Variants in ZNF98 observed in about 807,000 individuals in gnomAD.
ZNF98 encodes the protein zinc finger protein 739.
A neutral mutation model predicts 12.8 loss-of-function variants in ZNF98; 8 were observed. The observed-to-expected ratio is 0.63, with a 90% CI of 0.37 to 1.13. The LOEUF (loss-of-function observed/expected upper bound fraction) is 1.13. Ranked by LOEUF, ZNF98 falls within the 50% of genes most tolerant of loss-of-function variation. ZNF98 has a pLI of 0.01. For missense variants in ZNF98, 379 were observed against 666.1 expected (o/e 0.57, Z 4.74); for synonymous variants, 112 against 223.5 (o/e 0.50, Z 4.45).
intron 1 of ZNF98, among the ~76,000 whole-genome samples, chr19:22,405,345 C>A (rs1004974691): frequency 4.0e-5 from 6 of 151,486 alleles, no homozygotes; most frequent in Non-Finnish European, 8.8e-5. Flanking sequence ...AGGCTCCCAC[C>A]AAAAAGAACC....
chr19:22,397,724 T>C (rs1317381258), intron 3 of ZNF98, among the ~76,000 whole-genome samples: 6 of 140,760 alleles, frequency 4.3e-5, no homozygotes, highest in Non-Finnish European at 7.7e-5. Flanking sequence ...TCTACAGATT[T>C]AATGCAATGT....
At position 22,403,647 on chromosome 19, in the gene ZNF98, C is replaced by T. The variant is rs1969486820; in HGVS notation, c.31-135G>A. On this transcript the variant is annotated intron_variant, in intron 1 of 3. Coordinates refer to ENST00000357774, the MANE Select transcript of ZNF98 (RefSeq NM_001098626.2). The stretch of plus-strand genomic sequence containing the variant: ...AGTGACTGATATATTTAATAAATAA[C>T]TTTCAGCACAGAAGTATTCTCTAAT... 3 of 905,256 alleles carry T rather than the reference C, an allele frequency of 3.3e-6. No homozygotes were observed. In the South Asian group the frequency reaches 6.5e-5, roughly 20 times the overall value. 56.1% of individuals were successfully genotyped at this position (905,256 alleles called of 1,614,324 possible).
chr19:22,409,144 C>G (rs564413551), intron 1 of ZNF98, among the ~76,000 whole-genome samples: 2 of 152,120 alleles, frequency 1.3e-5, no homozygotes, highest in African/African-American at 4.8e-5. Flanking sequence ...CACACATCTA[C>G]AACCATCTGA....
chr19:22,391,713 G>A lies in ZNF98; in HGVS notation c.1522C>T (p.His508Tyr), dbSNP rs192462621. Reference sequence around the variant, plus strand: ...TTCTCTCCAGTATGAATCATCTTATGTGTAGTAAGGTGTGAGGACTGGTTA... The same window carrying A: ...TTCTCTCCAGTATGAATCATCTTATATGTAGTAAGGTGTGAGGACTGGTTA... ...AFNQSSHLTTHKMIHTGEKPY... is the reference protein window; with the variant it reads ...AFNQSSHLTTYKMIHTGEKPY... Residue 508 changes from histidine (H) to tyrosine (Y), a missense_variant, in exon 4 of 4, where the codon CAT (histidine) becomes TAT (tyrosine). This residue lies in a region of ZNF98 where 59 missense variants were observed against 50.3 expected (regional missense o/e 1.17). Coordinates refer to ENST00000357774, the MANE Select transcript of ZNF98 (RefSeq NM_001098626.2). 1.4e-4 allele frequency: 225 copies of A among 1,614,042 alleles called. No individual in the cohort carries two copies. In the African/African-American group the frequency reaches 2.5e-3, roughly 18 times the overall value.
chr19:22,407,412 TGG>T (rs1969532520), intron 1 of ZNF98, among the ~76,000 whole-genome samples: 1 of 143,702 alleles, frequency 7.0e-6, no homozygotes, highest in African/African-American at 2.5e-5. Context: ...TTTTTTTTTT[TGG>T]AGGGTTTTTC....
intron 3 of ZNF98, among the ~76,000 whole-genome samples, chr19:22,396,179 A>C (rs979356181): frequency 2.6e-5 from 4 of 152,214 alleles, no homozygotes; most frequent in African/African-American, 9.6e-5. Flanking sequence ...ATTTTGAAAA[A>C]TAAAAGCACA....
chr19:22,414,633 G>A (rs1453620900), intron 1 of ZNF98, among the ~76,000 whole-genome samples: 3 of 152,170 alleles, frequency 2.0e-5, no homozygotes, highest in South Asian at 4.1e-4. Flanking sequence ...GAGGAATCTG[G>A]AAAGAATTCC....
At chr19:22,418,544 CCAAA>C (rs1245068917) in intron 1 of ZNF98, among the ~76,000 whole-genome samples, 1 of 152,156 alleles carries the variant, frequency 6.6e-6, no homozygotes, top group Non-Finnish European at 1.5e-5. Context: ...TATCACATAG[CCAAA>C]CAAAGACTGT....
chr19:22,395,148 G>C (rs1299768871), intron 3 of ZNF98, among the ~76,000 whole-genome samples: 1 of 149,540 alleles, frequency 6.7e-6, no homozygotes, highest in Non-Finnish European at 1.5e-5. Flanking sequence ...CTGCAGCCTG[G>C]GTGACAGGAG....
At chr19:22,402,175 C>CAAAAA (rs869111485) in intron 3 of ZNF98, among the ~76,000 whole-genome samples, 149 of 60,398 alleles carry the variant, frequency 2.5e-3, no homozygotes, top group Admixed American at 2.8e-3. Flanking sequence ...GACTCCATCT[C>CAAAAA]AAAAAAAAAA....
Position 22,396,010 on chromosome 19 carries a change from T to C in ZNF98, c.254-3029A>G, listed in dbSNP as rs558297047. Among the ~76,000 whole-genome samples, 21 of 151,596 alleles carry C rather than the reference T, an allele frequency of 1.4e-4. No homozygotes were observed. In the South Asian group the frequency reaches 2.3e-3, roughly 16 times the overall value. On this transcript the variant is annotated intron_variant, in intron 3 of 3. Coordinates refer to ENST00000357774, the MANE Select transcript of ZNF98 (RefSeq NM_001098626.2). ...CTGCATATGCCCTACATATAAAAGATGATGAAAGCAGTTTCTTAAACTGAA... is the reference window on the plus strand; with the variant it reads ...CTGCATATGCCCTACATATAAAAGACGATGAAAGCAGTTTCTTAAACTGAA...
At chr19:22,405,319 A>C (rs1472304669) in intron 1 of ZNF98, among the ~76,000 whole-genome samples, 1 of 151,688 alleles carries the variant, frequency 6.6e-6, no homozygotes, top group Non-Finnish European at 1.5e-5. Flanking sequence ...GGCCAACTAG[A>C]AGCAGCTGCG....
At chr19:22,395,001 T>G (rs1969373797) in intron 3 of ZNF98, among the ~76,000 whole-genome samples, 1 of 151,766 alleles carries the variant, frequency 6.6e-6, no homozygotes, top group African/African-American at 2.4e-5. Context: ...AGTGAAACCC[T>G]GTCTCTACTA....
intron 3 of ZNF98, among the ~76,000 whole-genome samples, chr19:22,396,232 T>C (rs1222824751): frequency 3.3e-5 from 5 of 152,086 alleles, no homozygotes; most frequent in East Asian, 1.9e-4. Flanking sequence ...TGTAAAAACA[T>C]AATTAGCAAC....
At chr19:22,412,100 T>C (rs573217599) in intron 1 of ZNF98, among the ~76,000 whole-genome samples, 6 of 152,254 alleles carry the variant, frequency 3.9e-5, no homozygotes, top group African/African-American at 1.4e-4. Context: ...GAACTCTCCA[T>C]CTAAAAAGAA....
intron 1 of ZNF98, among the ~76,000 whole-genome samples, chr19:22,411,505 T>C (rs1008405715): frequency 6.6e-6 from 1 of 152,228 alleles, no homozygotes; most frequent in African/African-American, 2.4e-5. Context: ...AGCTTTACTC[T>C]GAACAAATCT....
intron 1 of ZNF98, among the ~76,000 whole-genome samples, chr19:22,408,976 A>G (rs1311924859): frequency 2.0e-5 from 3 of 152,164 alleles, no homozygotes; most frequent in Admixed American, 2.0e-4. Flanking sequence ...GAGCCCATAT[A>G]GCCAAGACAA....
At chr19:22,412,913 C>T (rs1392614436) in intron 1 of ZNF98, among the ~76,000 whole-genome samples, 6 of 151,740 alleles carry the variant, frequency 4.0e-5, no homozygotes, top group East Asian at 3.9e-4. Context: ...ATTAGCCAGG[C>T]GTGGTGGCGG....
chr19:22,401,919 G>A (rs1425662890), intron 3 of ZNF98, among the ~76,000 whole-genome samples: 1 of 150,738 alleles, frequency 6.6e-6, no homozygotes, highest in South Asian at 2.1e-4. Context: ...GGTCACACCT[G>A]TAATCCTAGC....
Sources: gnomAD v4.1 joint callset for allele counts (sites outside exome capture counted in the v4.1 genomes callset) on GRCh38, gnomAD v4.1.1 for gene constraint, gnomAD v4.1.1 regional missense constraint, MANE v1.5 for transcripts, NCBI Gene and HGNC (gene_info 2026-07-23, HGNC 2026-07-21) for gene names.